MED23: variants seen among roughly 807,000 people sequenced by gnomAD.
The protein encoded by MED23 is mediator complex subunit 23, also known as mediator of RNA polymerase II transcription subunit 23.
A neutral mutation model predicts 163.9 loss-of-function variants in MED23; 105 were observed. The observed-to-expected ratio is 0.64, with a 90% CI of 0.55 to 0.75. The LOEUF is 0.75. Among genes scored for constraint, MED23 ranks in the 30% least tolerant of loss-of-function variants. The probability of loss-of-function intolerance (pLI) is 0.00; values close to 1 mark genes in which losing one functional copy is unlikely to be tolerated. For synonymous variants in MED23, 561 were observed against 565.6 expected (o/e 0.99, Z 0.12); for missense variants, 1,054 against 1,649.0 (o/e 0.64, Z 6.25).
chr6:131,583,954 G>A, downstream of MED23: 1 of 1,594,882 alleles, frequency 6.3e-7, no homozygotes, highest in South Asian at 1.1e-5. Context: ...GGCATAATTA[G>A]AAAGCTAATC....
chr6:131,581,346 G>A (rs765617697), intron 30 of MED23: 1 of 1,613,702 alleles, frequency 6.2e-7, no homozygotes. Flanking sequence ...TGGACAACCT[G>A]TATCTTTCCT....
At chr6:131,589,723 C>A in intron 27 of MED23, 127 bp from the exon 28 acceptor site, 4 of 810,330 alleles carry the variant, frequency 4.9e-6, no homozygotes, top group Non-Finnish European at 6.3e-6. Context: ...CTGTCATATA[C>A]CATATACACC....
chr6:131,579,377 A>C, intron 30 of MED23: 1 of 1,417,910 alleles, frequency 7.1e-7, no homozygotes, highest in Non-Finnish European at 9.7e-7. Flanking sequence ...ATAGACAGAA[A>C]AGCATTGACC....
At chr6:131,579,330 G>T (rs373279537) in intron 30 of MED23, 145 of 1,595,734 alleles carry the variant, frequency 9.1e-5, no homozygotes, top group Non-Finnish European at 1.1e-4. Context: ...CACAAAGGAA[G>T]TAACCAAGGC....
intron 8 of MED23, among the ~76,000 whole-genome samples, chr6:131,619,056 G>A (rs1040385523): frequency 2.6e-5 from 4 of 152,162 alleles, no homozygotes; most frequent in African/African-American, 9.7e-5. Flanking sequence ...TCGTCACTTG[G>A]ATGTCCTACA....
At chr6:131,597,498 G>GA (rs1223087168) in intron 20 of MED23, among the ~76,000 whole-genome samples, 12 of 111,574 alleles carry the variant, frequency 1.1e-4, no homozygotes, top group Admixed American at 3.5e-4. Flanking sequence ...AAAAAAAAAA[G>GA]AAAAAAAAAA....
chr6:131,597,203 G>A (rs548616691), intron 20 of MED23, among the ~76,000 whole-genome samples: 40 of 152,072 alleles, frequency 2.6e-4, no homozygotes, highest in East Asian at 2.1e-3. Flanking sequence ...AAGGCCAGGC[G>A]CGGTGGCTCA....
chr6:131,615,383 A>G lies in MED23; in HGVS notation c.876+524T>C, dbSNP rs544565783. The G allele has an allele frequency of 1.9e-6, 3 of 1,597,958 alleles. No homozygotes were observed. In the South Asian group the frequency reaches 3.3e-5, roughly 18 times the overall value. On this transcript the variant is annotated intron_variant, in intron 10 of 28. Coordinates refer to ENST00000368068, the MANE Select transcript of MED23 (RefSeq NM_004830.4). ...TGGGCAGGACAAGACAGGACAGAAC[A>G]AAAATAAAGGAAGAAAAAAAGAAAA...
At chr6:131,608,931 T>A (rs773551001) in intron 11 of MED23, among the ~76,000 whole-genome samples, 6 of 152,166 alleles carry the variant, frequency 3.9e-5, no homozygotes, top group Non-Finnish European at 7.3e-5. Context: ...GGATTCATCG[T>A]CCTCCCTTCT....
intron 30 of MED23, chr6:131,581,128 A>C: frequency 6.6e-6 from 9 of 1,358,098 alleles, no homozygotes; most frequent in Non-Finnish European, 9.4e-6. Flanking sequence ...TGTGACTCAA[A>C]GGAAAACCAA....
At chr6:131,620,564 G>T (rs1472645083) in intron 7 of MED23, 64 bp downstream of exon 7, 2 of 1,073,884 alleles carry the variant, frequency 1.9e-6, no homozygotes, top group Non-Finnish European at 2.9e-6. Flanking sequence ...GCCTCCCAAA[G>T]TGCTGTGAGC....
rs1774766598 is a variant in MED23, at chr6:131,593,047, G to C, written c.3357C>G (p.Gly1119=). 6.2e-7 allele frequency: 1 copy of C among 1,614,028 alleles called. No homozygotes were observed. Among genetic ancestry groups the C allele is most frequent in the Non-Finnish European group, 8.5e-7 (1 of 1,180,034 alleles). ...CVELMALAVS[G]KEVGNALLNV... is the part of the protein sequence containing the mutation. ...TTAGAAGGGCATTCCCAACTTCTTTGCCTGAAACTGCCAAGGCCATGAGCT... is the reference window on the plus strand; with the variant it reads ...TTAGAAGGGCATTCCCAACTTCTTTCCCTGAAACTGCCAAGGCCATGAGCT... The change falls in exon 24 of 29, where the codon GGC becomes GGG. Residue 1119 remains glycine (G), a synonymous_variant. Coordinates refer to ENST00000368068, the MANE Select transcript of MED23 (RefSeq NM_004830.4).
At chr6:131,605,139 C>G in intron 14 of MED23, 101 bp downstream of exon 14, 1 of 1,271,094 alleles carries the variant, frequency 7.9e-7, no homozygotes, top group African/African-American at 1.5e-5. Context: ...TCAAATGTAC[C>G]TGACTATGAA....
At chr6:131,606,946 ACAT>A (rs1382564653) in intron 12 of MED23, among the ~76,000 whole-genome samples, 1 of 152,256 alleles carries the variant, frequency 6.6e-6, no homozygotes, top group East Asian at 1.9e-4. Flanking sequence ...AAATTAAAAC[ACAT>A]CATCATGAAA....
chr6:131,592,764 C>T, intron 24 of MED23: 1 of 604,006 alleles, frequency 1.7e-6, no homozygotes, highest in South Asian at 2.0e-5. Flanking sequence ...AACATTATTC[C>T]TATATTAAAT....
intron 14 of MED23, 99 bp downstream of exon 14, chr6:131,605,141 G>A (rs759870016): frequency 2.3e-6 from 3 of 1,292,446 alleles, no homozygotes; most frequent in Non-Finnish European, 3.3e-6. Context: ...AAATGTACCT[G>A]ACTATGAAAT....
intron 17 of MED23, 60 bp downstream of exon 17, chr6:131,602,158 G>A: frequency 1.3e-6 from 2 of 1,539,470 alleles, no homozygotes; most frequent in Non-Finnish European, 1.8e-6. Flanking sequence ...ATAGTAATTA[G>A]TAGAATCATG....
intron 14 of MED23, among the ~76,000 whole-genome samples, chr6:131,604,852 T>C (rs1340555309): frequency 6.6e-6 from 1 of 152,158 alleles, no homozygotes; most frequent in Non-Finnish European, 1.5e-5. Context: ...GCCTATACAG[T>C]GGTTGTTTCA....
At chr6:131,627,968 C>A in intron 1 of MED23, 43 bp downstream of exon 1, 1 of 1,613,302 alleles carries the variant, frequency 6.2e-7, no homozygotes, top group Admixed American at 1.7e-5. Flanking sequence ...CGCGTCTCCC[C>A]GTCCCCAAGC....
Sources: allele counts gnomAD v4.1 joint callset (sites outside exome capture counted in the v4.1 genomes callset), GRCh38; gene constraint gnomAD v4.1.1; transcripts MANE v1.5; gene names NCBI Gene and HGNC (gene_info 2026-07-23, HGNC 2026-07-21).